The following SLC13A3 variants were observed in gnomAD, a reference collection of about 807,000 sequenced individuals.
The protein encoded by SLC13A3 is solute carrier family 13 member 3, also known as Na(+)/dicarboxylate cotransporter 3.
Under a neutral mutation model 59.0 loss-of-function variants are expected in SLC13A3, and 40 were observed. The observed-to-expected ratio is 0.68, with a 90% CI of 0.53 to 0.88. The LOEUF is 0.88. Among genes scored for constraint, SLC13A3 ranks in the 40% least tolerant of loss-of-function variants. The pLI is 0.00. For missense variants in SLC13A3, 699 were observed against 783.2 expected, an observed-to-expected ratio of 0.89 and a Z score of 1.28; for synonymous variants, 317 against 330.3, an observed-to-expected ratio of 0.96 and a Z score of 0.44.
At chr20:46,675,070 G>A (rs945470484), upstream of SLC13A3, among the ~76,000 whole-genome samples, 2 of 152,056 alleles carry the variant, frequency 1.3e-5, no homozygotes. Flanking sequence ...TGCTATGAAG[G>A]CCCTGAGATG....
intron 10 of SLC13A3, among the ~76,000 whole-genome samples, chr20:46,571,962 C>T (rs1360806508): frequency 6.6e-6 from 1 of 152,034 alleles, no homozygotes; most frequent in African/African-American, 2.4e-5. Flanking sequence ...AGGTAGGTGC[C>T]AATGTTGAGA....
intron 1 of SLC13A3, among the ~76,000 whole-genome samples, chr20:46,649,812 G>A (rs994158527): frequency 4.6e-5 from 7 of 152,184 alleles, no homozygotes; most frequent in East Asian, 3.9e-4. Context: ...CTTCCACGTC[G>A]AGAAAGTCTA....
intron 3 of SLC13A3, chr20:46,608,722 A>G: frequency 1.2e-6 from 1 of 855,968 alleles, no homozygotes; most frequent in East Asian, 2.7e-5. Flanking sequence ...AAGTTTTAAC[A>G]GATACGTATT....
chr20:46,652,893 C>T (rs544698368), upstream of SLC13A3, among the ~76,000 whole-genome samples: 1 of 152,330 alleles, frequency 6.6e-6, no homozygotes, highest in African/African-American at 2.4e-5. Flanking sequence ...TCCAGTTTCT[C>T]CACATCTTTG....
At position 46,656,609 on chromosome 20, in the gene SLC13A3, T is replaced by TAC. The variant is rs564880135; in HGVS notation, c.-31+13433_-31+13434insGT. Among the ~76,000 whole-genome samples the TAC allele has an allele frequency of 3.7e-3, 536 of 145,706 alleles. 19 individuals carry two copies. Among genetic ancestry groups the TAC allele is most frequent in the African/African-American group, 0.013 (508 of 38,314 alleles). ...ATTATACTGTATATGATATATACTA[T>TAC]AGTGTATATATTATACTGTATATGA... is the stretch of plus-strand genomic sequence containing the variant. On this transcript the variant is annotated intron_variant, in intron 1 of 12. Transcript: ENST00000290317.
intron 8 of SLC13A3, chr20:46,585,702 A>G: frequency 7.7e-7 from 1 of 1,298,692 alleles, no homozygotes. Context: ...TGATCTTCAC[A>G]TTTTCTGTAT....
upstream of SLC13A3, among the ~76,000 whole-genome samples, chr20:46,654,527 T>C (rs572868522): frequency 1.1e-4 from 17 of 152,240 alleles, no homozygotes; most frequent in Admixed American, 3.3e-4. Flanking sequence ...AGCTATCAGG[T>C]ATAATTTTTT....
intron 9 of SLC13A3, among the ~76,000 whole-genome samples, chr20:46,580,042 T>A (rs1402736178): frequency 6.6e-6 from 1 of 152,060 alleles, no homozygotes; most frequent in Non-Finnish European, 1.5e-5. Context: ...CTCGGCTCAC[T>A]GCAACCGGGT....
chr20:46,639,212 G>C (rs1048196208), intron 1 of SLC13A3, among the ~76,000 whole-genome samples: 1 of 151,834 alleles, frequency 6.6e-6, no homozygotes, highest in Non-Finnish European at 1.5e-5. Context: ...GGGAGGTTAA[G>C]GGCAGGGGGG....
chr20:46,592,459 A>C lies in SLC13A3; in HGVS notation c.865T>G (p.Phe289Val). ...ATCCAGAGCCAGCCTGCCAACAGGA[A>C]CAACAGCATAAGAGGGAAGGCGAAA... Reference protein sequence around the residue: ...FIFAFPLMLLFLLAGWLWISF... With the variant: ...FIFAFPLMLLVLLAGWLWISF... The change falls in exon 6 of 13, where the codon TTC becomes GTC. Residue 289 changes from phenylalanine to valine, a missense_variant. Phe to Val is a conservative substitution (Grantham distance 50). Coordinates refer to ENST00000279027, the MANE Select transcript of SLC13A3 (RefSeq NM_022829.6). The C allele has an allele frequency of 6.2e-7, 1 of 1,614,030 alleles. No individual in the cohort carries two copies. The highest frequency in any genetic ancestry group is 8.5e-7 in the Non-Finnish European group (1 of 1,179,934).
chr20:46,569,323 T>C (rs569200448), intron 10 of SLC13A3, among the ~76,000 whole-genome samples: 1 of 152,138 alleles, frequency 6.6e-6, no homozygotes, highest in African/African-American at 2.4e-5. Flanking sequence ...TTGGAAGCTT[T>C]GTTTCCTTGG....
chr20:46,658,770 A>C (rs956740005), intron 1 of SLC13A3, among the ~76,000 whole-genome samples: 2 of 152,238 alleles, frequency 1.3e-5, no homozygotes, highest in Non-Finnish European at 2.9e-5. Context: ...TCTCCAATTC[A>C]ATTATGGATT....
At chr20:46,655,790 G>A (rs2062981663), upstream of SLC13A3, among the ~76,000 whole-genome samples, 1 of 140,520 alleles carries the variant, frequency 7.1e-6, no homozygotes, top group South Asian at 2.2e-4. Flanking sequence ...TATGCCTTCA[G>A]TATATATAAT....
chr20:46,659,715 C>A (rs569411618), intron 1 of SLC13A3, among the ~76,000 whole-genome samples: 55 of 145,094 alleles, frequency 3.8e-4, no homozygotes, highest in East Asian at 2.0e-3. Flanking sequence ...GACCCTATCC[C>A]CCCCCCCCAA....
intron 1 of SLC13A3, among the ~76,000 whole-genome samples, chr20:46,680,798 C>T (rs2063150563): frequency 6.6e-6 from 1 of 152,218 alleles, no homozygotes; most frequent in Admixed American, 6.5e-5. Context: ...CTGTGTCCTC[C>T]ATGCTGTGGA....
chr20:46,589,116 G>A lies in SLC13A3; in HGVS notation c.1016+44C>T, dbSNP rs76477912. 3,487 of 1,557,238 alleles carry A rather than the reference G, an allele frequency of 2.2e-3. 55 individuals carry two copies. In the African/African-American group the frequency reaches 0.036, roughly 16 times the overall value. On this transcript the variant is annotated intron_variant, in intron 7 of 12. Coordinates refer to ENST00000279027, the MANE Select transcript of SLC13A3 (RefSeq NM_022829.6). ...AGGCCAGGAGGAAGCTCTCCTGAGC[G>A]TTTAATACTCAGCTCTTTCCTTAAC...
chr20:46,651,504 G>C (rs1182974257), upstream of SLC13A3: 7 of 1,348,020 alleles, frequency 5.2e-6, no homozygotes, highest in South Asian at 1.3e-4. Flanking sequence ...GGGGAGGGTC[G>C]GGGAGGGGAC....
upstream of SLC13A3, among the ~76,000 whole-genome samples, chr20:46,674,588 TGC>T (rs549666867): frequency 0.014 from 1,892 of 136,772 alleles, 45 homozygotes; most frequent in African/African-American, 0.047. Flanking sequence ...AGGTGGGGAG[TGC>T]GCGCGCGCGC....
intron 4 of SLC13A3, among the ~76,000 whole-genome samples, chr20:46,597,521 C>T (rs2062326011): frequency 6.6e-6 from 1 of 152,236 alleles, no homozygotes; most frequent in Non-Finnish European, 1.5e-5. Context: ...ACTGCTACCT[C>T]TGCCTCCCGG....
Sources: gnomAD v4.1 joint callset for allele counts (sites outside exome capture counted in the v4.1 genomes callset) on GRCh38, gnomAD v4.1.1 for gene constraint, MANE v1.5 for transcripts, NCBI Gene and HGNC (gene_info 2026-07-23, HGNC 2026-07-21) for gene names.